CNN2: variants seen among roughly 807,000 people sequenced by gnomAD.
CNN2 encodes calponin-2.
CNN2 carries 21 observed loss-of-function variants against 31.0 expected under a neutral mutation model. The observed-to-expected ratio is 0.68, with a 90% CI of 0.48 to 0.98. The LOEUF (loss-of-function observed/expected upper bound fraction) is 0.98, where lower values mean the gene tolerates loss of function less well. Among genes scored for constraint, CNN2 ranks in the 50% least tolerant of loss-of-function variants. CNN2 has a pLI of 0.00. For synonymous variants in CNN2, 165 were observed against 179.6 expected (o/e 0.92, Z 0.65); for missense variants, 399 against 427.3 (o/e 0.93, Z 0.58).
chr19:1,030,169 C>T (rs77389107), intron 1 of CNN2, among the ~76,000 whole-genome samples: 31,919 of 151,996 alleles, frequency 0.21, 4,129 homozygotes, highest in African/African-American at 0.37. Context: ...ACCCACTGCC[C>T]AGGAGCACAC....
At position 1,031,525 on chromosome 19, in the gene CNN2, A is replaced by G. The variant is rs965031553; in HGVS notation, c.185+333A>G. On this transcript the variant is annotated intron_variant, in intron 2 of 6. Transcript: ENST00000263097. ...GGTTGCAGTGAGCCGAGATCACACC[A>G]TTGCACTCCAGCCGGGGTGACACAG... 4.8e-5 allele frequency among the ~76,000 whole-genome samples: 6 copies of G among 125,434 alleles called. No individual in the cohort carries two copies. In the South Asian group the frequency reaches 1.2e-3, roughly 24 times the overall value. The allele number at this position is 125,434 out of a possible 152,430, so 82.3% of individuals were successfully genotyped here.
intron 1 of CNN2, 53 bp from the exon 2 acceptor site, chr19:1,031,018 C>T (rs2039480744): frequency 1.3e-6 from 2 of 1,564,450 alleles, no homozygotes; most frequent in South Asian, 1.1e-5. Context: ...CTGTGGGGTT[C>T]CTGCTGGGGG....
At chr19:1,036,849 T>C in intron 6 of CNN2, 1 of 487,028 alleles carries the variant, frequency 2.1e-6, no homozygotes, top group Non-Finnish European at 3.7e-6. Context: ...AATCTTTATT[T>C]ATTTTATTTA....
intron 1 of CNN2, 98 bp downstream of exon 1, chr19:1,026,822 G>A (rs1211284435): frequency 8.5e-7 from 1 of 1,182,578 alleles, no homozygotes; most frequent in Non-Finnish European, 1.1e-6. Context: ...TCCCGGGCAG[G>A]GAGCTTGGAG....
intron 4 of CNN2, 160 bp from the exon 5 acceptor site, chr19:1,035,970 T>C (rs2039574887): frequency 3.8e-6 from 4 of 1,053,374 alleles, no homozygotes; most frequent in Non-Finnish European, 5.2e-6. Context: ...GTGTGTGGAG[T>C]GTGTGGAGTC....
At position 1,032,739 on chromosome 19, in the gene CNN2, G is replaced by A. The variant is rs1307001841; in HGVS notation, c.390+43G>A. ...GCAGCCACCTGCCCAGAGTCACACA[G>A]CGAGGTGGATGTAGCTGCTGCATTC... On this transcript the variant is annotated intron_variant, in intron 4 of 6. Transcript: ENST00000263097. 4 of 1,478,520 alleles carry A rather than the reference G, an allele frequency of 2.7e-6. No individual in the cohort carries two copies. In the Admixed American group the frequency reaches 5.4e-5, roughly 20 times the overall value. The allele number at this position is 1,478,520 out of a possible 1,614,324, so 91.6% of individuals were successfully genotyped here.
intron 5 of CNN2, 39 bp downstream of exon 5, chr19:1,036,285 T>TG: frequency 1.3e-6 from 2 of 1,567,068 alleles, no homozygotes; most frequent in Non-Finnish European, 1.7e-6. Context: ...ACCACGGCAT[T>TG]GGGGGACCAC....
chr19:1,032,735 C>T lies in CNN2; in HGVS notation c.390+39C>T, dbSNP rs754652246. On this transcript the variant is annotated intron_variant, in intron 4 of 6. Coordinates refer to ENST00000263097, the MANE Select transcript of CNN2 (RefSeq NM_004368.4). ...AGGGGCAGCCACCTGCCCAGAGTCA[C>T]ACAGCGAGGTGGATGTAGCTGCTGC... 21 of 1,498,686 alleles carry T rather than the reference C, an allele frequency of 1.4e-5. No homozygotes were observed. In the East Asian group the frequency reaches 4.7e-4, roughly 33 times the overall value. 92.8% of individuals were successfully genotyped at this position (1,498,686 alleles called of 1,614,324 possible).
rs752171620 is a variant in CNN2 at position 1,037,594 on chromosome 19, A to G, written c.655-31A>G. 8.8e-6 allele frequency: 14 copies of G among 1,595,260 alleles called. No homozygotes were observed. In the African/African-American group the frequency reaches 9.6e-5, roughly 11 times the overall value. On this transcript the variant is annotated intron_variant, in intron 6 of 6. Coordinates refer to ENST00000263097, the MANE Select transcript of CNN2 (RefSeq NM_004368.4). Reference sequence around the variant, plus strand: ...GTGAAGGTCCCCTCTTCTCTCCACCATGACCTGCTCCACCCCTCCTTCCTC... The same window carrying G: ...GTGAAGGTCCCCTCTTCTCTCCACCGTGACCTGCTCCACCCCTCCTTCCTC...
At chr19:1,026,969 A>G (rs2039408366) in intron 1 of CNN2, 2 of 480,928 alleles carry the variant, frequency 4.2e-6, no homozygotes, top group South Asian at 2.4e-5. Context: ...CCCCCCCCCA[A>G]CATCTAGGGG....
intron 1 of CNN2, among the ~76,000 whole-genome samples, chr19:1,029,705 TTTC>T (rs1356466752): frequency 7.5e-6 from 1 of 133,238 alleles, no homozygotes; most frequent in African/African-American, 3.8e-5. Flanking sequence ...CTCTCTTTTC[TTTC>T]TTTTTTTTTT....
At chr19:1,036,612 C>T in intron 6 of CNN2, 50 bp downstream of exon 6, 1 of 1,612,046 alleles carries the variant, frequency 6.2e-7, no homozygotes, top group Middle Eastern at 1.6e-4. Context: ...CCTCTACACC[C>T]TGTGGTCTCG....
chr19:1,036,601 C>T (rs1437153717), intron 6 of CNN2, 39 bp downstream of exon 6: 4 of 1,612,842 alleles, frequency 2.5e-6, no homozygotes, highest in African/African-American at 1.3e-5. Context: ...CTCTCCCTGC[C>T]CCTCTACACC....
At chr19:1,035,183 G>A (rs1248867472) in intron 4 of CNN2, among the ~76,000 whole-genome samples, 14 of 140,756 alleles carry the variant, frequency 9.9e-5, no homozygotes, top group African/African-American at 3.6e-4. Flanking sequence ...GTGTAGACGG[G>A]GAGCGTGGGT....
At chr19:1,037,506 A>T in intron 6 of CNN2, 119 bp from the exon 7 acceptor site, 1 of 1,271,218 alleles carries the variant, frequency 7.9e-7, no homozygotes, top group Non-Finnish European at 1.1e-6. Flanking sequence ...TCCTGACCTC[A>T]GGTGATCCTC....
intron 1 of CNN2, among the ~76,000 whole-genome samples, chr19:1,029,728 G>T (rs1416087614): frequency 6.6e-6 from 1 of 150,596 alleles, no homozygotes; most frequent in South Asian, 2.1e-4. Flanking sequence ...TTAAGACAGA[G>T]GCTCACTCTG....
Position 1,031,444 on chromosome 19 carries a change from A to C in CNN2, c.185+252A>C, listed in dbSNP as rs189783541. On this transcript the variant is annotated intron_variant, in intron 2 of 6. Transcript: ENST00000263097. ...ACAAAAAAATTAGCCAGGCACCTGT[A>C]ATCCCAGCTACTCAGGAGGCTGAGG... Among the ~76,000 whole-genome samples, 8 of 150,120 alleles carry C rather than the reference A, an allele frequency of 5.3e-5. 1 individual carries two copies. The East Asian group carries it at 1.4e-3, about 27-fold the overall frequency.
intron 1 of CNN2, among the ~76,000 whole-genome samples, chr19:1,027,297 C>A (rs182773806): frequency 2.2e-4 from 34 of 152,350 alleles, no homozygotes; most frequent in Non-Finnish European, 3.7e-4. Flanking sequence ...GTCTTTGTCT[C>A]CCATCTGACT....
At chr19:1,032,370 C>T (rs10401325) in intron 2 of CNN2, 22 bp from the exon 3 acceptor site, 1,348,806 of 1,612,418 alleles carry the variant, frequency 0.84, 568,241 homozygotes, top group Middle Eastern at 0.9. Context: ...CTGTTTCCCC[C>T]GCCCCATGTT....
Sources: allele counts gnomAD v4.1 joint callset (sites outside exome capture counted in the v4.1 genomes callset), GRCh38; gene constraint gnomAD v4.1.1; transcripts MANE v1.5; gene names NCBI Gene and HGNC (gene_info 2026-07-23, HGNC 2026-07-21).